The following DERPC variants were observed in gnomAD, a reference collection of about 807,000 sequenced individuals.
DERPC encodes decreased expression in renal and prostate cancer protein.
In DERPC, 1 loss-of-function variant was observed where a neutral mutation model predicts 7.2. The ratio of observed to expected loss-of-function variants is 0.14; its 90% CI spans 0.05 to 0.66. DERPC has a LOEUF of 0.66. DERPC is among the 30% of genes least tolerant of loss of function. The pLI is 0.84. For missense variants in DERPC, 502 were observed against 299.4 expected (o/e 1.68, Z -4.99); for synonymous variants, 185 against 117.6 (o/e 1.57, Z -3.71).
chr16:69,121,578 A>G (rs1961666396), intron 1 of DERPC, 85 bp from the exon 2 acceptor site: 4 of 767,300 alleles, frequency 5.2e-6, no homozygotes, highest in East Asian at 2.7e-5. Flanking sequence ...CCCGGGTTCA[A>G]TCGATTCTCC....
chr16:69,118,127 A>ACCCCCCCCCC lies in DERPC; in HGVS notation c.*726_*727insGGGGGGGGGG. ...CAGTGATTTCTTCCCTTCATCCCCC[A>ACCCCCCCCCC]CCCCCACCCTAATTCCCATATTCCC... is the stretch of plus-strand genomic sequence containing the variant. On this transcript the variant is annotated 3_prime_UTR_variant, in exon 3 of 3. Coordinates refer to ENST00000519520, the MANE Select transcript of DERPC (RefSeq NM_001002847.4). 7.2e-6 allele frequency: 1 copy of ACCCCCCCCCC among 138,046 alleles called. No homozygotes were observed. The highest frequency in any genetic ancestry group is 1.4e-5 in the Non-Finnish European group (1 of 69,834). The allele number at this position is 138,046 out of a possible 1,614,324, so 8.6% of individuals were successfully genotyped here. A position where few individuals can be genotyped will look rare whatever the true frequency, so the allele number is the denominator to read the frequency against.
rs1961315665 is a variant in DERPC at position 69,118,281 on chromosome 16, G to C, written c.*573C>G. The stretch of plus-strand genomic sequence containing the variant: ...CCAGGAGAAGGGAGCTGCAGGCCCA[G>C]TCAGTCAAGCAGAAACTGCATTCGG... On this transcript the variant is annotated 3_prime_UTR_variant, in exon 3 of 3. Coordinates refer to ENST00000519520, the MANE Select transcript of DERPC (RefSeq NM_001002847.4). The C allele has an allele frequency of 3.2e-6, 3 of 941,096 alleles. No homozygotes were observed. Among genetic ancestry groups the C allele is most frequent in the Non-Finnish European group, 3.5e-6 (2 of 573,328 alleles). 58.3% of individuals were successfully genotyped at this position (941,096 alleles called of 1,614,324 possible).
intron 2 of DERPC, chr16:69,121,159 C>G: frequency 3.7e-6 from 6 of 1,612,916 alleles, no homozygotes; most frequent in Non-Finnish European, 5.1e-6. Context: ...TGCCAGGCCT[C>G]CAGCCCTCGC....
chr16:69,124,970 T>TCTCGGCTCACCGCAAC (rs1567591874), intron 1 of DERPC, among the ~76,000 whole-genome samples: 1 of 152,080 alleles, frequency 6.6e-6, no homozygotes, highest in Non-Finnish European at 1.5e-5. Flanking sequence ...AATGGCGCGA[T>TCTCGGCTCACCGCAAC]CTCGGCTCAC....
chr16:69,118,405 G>C lies in DERPC; in HGVS notation c.*449C>G. ...AGGATGACCAGGTCCAAGCTGCCCA[G>C]GTCAGAGCTACGGAAGCATGGTCCG... On this transcript the variant is annotated 3_prime_UTR_variant, in exon 3 of 3. Coordinates refer to ENST00000519520, the MANE Select transcript of DERPC (RefSeq NM_001002847.4). 2 of 1,613,792 alleles carry C rather than the reference G, an allele frequency of 1.2e-6. No individual in the cohort carries two copies. Among genetic ancestry groups the C allele is most frequent in the Non-Finnish European group, 8.5e-7 (1 of 1,179,698 alleles).
rs1303859960 is a variant in DERPC, at chr16:69,118,209, G to C, written c.*645C>G. On this transcript the variant is annotated 3_prime_UTR_variant, in exon 3 of 3. Transcript: ENST00000519520. ...GATTGATTGGGAGTACCAGTGAAGAGGGAGTTGGATGAGTAGAGGGGCCTT... is the reference window on the plus strand; with the variant it reads ...GATTGATTGGGAGTACCAGTGAAGACGGAGTTGGATGAGTAGAGGGGCCTT... The C allele has an allele frequency of 1.8e-6, 1 of 570,804 alleles. No homozygotes were observed. The highest frequency in any genetic ancestry group is 3.2e-6 in the Non-Finnish European group (1 of 309,788). The allele number at this position is 570,804 out of a possible 1,614,324, so 35.4% of individuals were successfully genotyped here.
rs1392709892 is a variant in DERPC at position 69,118,822 on chromosome 16, A to C, written c.*32T>G. The C allele has an allele frequency of 4.3e-5, 29 of 682,234 alleles. No individual in the cohort carries two copies. The East Asian group carries it at 7.3e-4, about 17-fold the overall frequency. 42.3% of individuals were successfully genotyped at this position (682,234 alleles called of 1,614,324 possible). On this transcript the variant is annotated 3_prime_UTR_variant, in exon 3 of 3. Coordinates refer to ENST00000519520, the MANE Select transcript of DERPC (RefSeq NM_001002847.4). ...CCCTGCCAAGAACCACAGTGCCTAG[A>C]AACCAAGGTGGTCCTGGAGGGAAAA...
chr16:69,125,479 C>T (rs2152269970), intron 1 of DERPC, among the ~76,000 whole-genome samples: 1 of 152,274 alleles, frequency 6.6e-6, no homozygotes, highest in East Asian at 1.9e-4. Flanking sequence ...CTACACAATT[C>T]TGCCTTCCCA....
At chr16:69,127,373 T>C (rs1336611203) in intron 1 of DERPC, among the ~76,000 whole-genome samples, 1 of 151,996 alleles carries the variant, frequency 6.6e-6, no homozygotes, top group Non-Finnish European at 1.5e-5. Context: ...ATCACAAGCA[T>C]AACAATGGAA....
rs1259306125 is a variant in DERPC, at chr16:69,120,661, C to T, written c.-221-12G>A. On this transcript the variant is annotated splice_polypyrimidine_tract_variant and intron_variant, in intron 2 of 2. Transcript: ENST00000519520. The surrounding 1 kb of genome is among the most constrained non-coding windows in gnomAD (Gnocchi z 4.0). Reference sequence around the variant, plus strand: ...AGCACAGGGATTCCCTTTGGCAGAACAAGAACGAGATTCCTGAGGTTCCGG... The same window carrying T: ...AGCACAGGGATTCCCTTTGGCAGAATAAGAACGAGATTCCTGAGGTTCCGG... The T allele has an allele frequency of 1.9e-6, 3 of 1,600,852 alleles. No homozygotes were observed. The highest frequency in any genetic ancestry group is 2.6e-6 in the Non-Finnish European group (3 of 1,169,882).
At chr16:69,125,915 G>A (rs1384978474) in intron 1 of DERPC, among the ~76,000 whole-genome samples, 2 of 152,102 alleles carry the variant, frequency 1.3e-5, no homozygotes, top group African/African-American at 2.4e-5. Flanking sequence ...CATCTGCTGA[G>A]GTGCTTTAAA....
rs372913153 is a variant in DERPC at position 69,120,674 on chromosome 16, C to G, written c.-221-25G>C. 45 of 1,592,650 alleles carry G rather than the reference C, an allele frequency of 2.8e-5. No homozygotes were observed. The highest frequency in any genetic ancestry group is 3.8e-5 in the Non-Finnish European group (44 of 1,163,900). ...CCTTTGGCAGAACAAGAACGAGATT[C>G]CTGAGGTTCCGGGGCAAGGCCATAA... On this transcript the variant is annotated intron_variant, in intron 2 of 2. Transcript: ENST00000519520. This position sits in a 1 kb window ranked among gnomAD's most constrained non-coding sequence, Gnocchi z 4.0.
chr16:69,121,568 C>T (rs1961665131), intron 1 of DERPC, 75 bp from the exon 2 acceptor site: 2 of 882,418 alleles, frequency 2.3e-6, no homozygotes, highest in Non-Finnish European at 3.5e-6. Context: ...ACCTCCACCT[C>T]CCGGGTTCAA....
Position 69,118,176 on chromosome 16 carries a change from G to C in DERPC, c.*678C>G. On this transcript the variant is annotated 3_prime_UTR_variant, in exon 3 of 3. Coordinates refer to ENST00000519520, the MANE Select transcript of DERPC (RefSeq NM_001002847.4). ...CCATCCACATCAGTTTAAATTTTGA[G>C]GTTCTTTGATTGATTGGGAGTACCA... 1 of 375,016 alleles carries C rather than the reference G, an allele frequency of 2.7e-6. No individual in the cohort carries two copies. 23.2% of individuals were successfully genotyped at this position (375,016 alleles called of 1,614,324 possible). A position where few individuals can be genotyped will look rare whatever the true frequency, so the allele number is the denominator to read the frequency against.
In DERPC at chr16:69,120,632, G is replaced by A. The variant is rs760957595; in HGVS notation, c.-204C>T. 6.2e-6 allele frequency: 10 copies of A among 1,611,782 alleles called. No homozygotes were observed. Among genetic ancestry groups the A allele is most frequent in the South Asian group, 3.3e-5 (3 of 91,038 alleles). On this transcript the variant is annotated 5_prime_UTR_variant, in exon 3 of 3. Coordinates refer to ENST00000519520, the MANE Select transcript of DERPC (RefSeq NM_001002847.4). The surrounding 1 kb of genome is among the most constrained non-coding windows in gnomAD (Gnocchi z 4.0). ...TCCCATACAGGATATGATGCCCCAC[G>A]ATCAGCACAGGGATTCCCTTTGGCA... is the stretch of plus-strand genomic sequence containing the variant.
chr16:69,120,490 T>C lies in DERPC; in HGVS notation c.-62A>G. On this transcript the variant is annotated 5_prime_UTR_variant, in exon 3 of 3. Coordinates refer to ENST00000519520, the MANE Select transcript of DERPC (RefSeq NM_001002847.4). This position sits in a 1 kb window ranked among gnomAD's most constrained non-coding sequence, Gnocchi z 4.0. ...CGGGTTTTGAAAAGGATCTTGTCTT[T>C]GATGAGTGCTGTCACCAGGTACCGG... 1.2e-6 allele frequency: 2 copies of C among 1,614,136 alleles called. No individual in the cohort carries two copies. Among genetic ancestry groups the C allele is most frequent in the Non-Finnish European group, 1.7e-6 (2 of 1,180,018 alleles).
chr16:69,129,476 A>T (rs927416074), intron 1 of DERPC, among the ~76,000 whole-genome samples: 5 of 151,824 alleles, frequency 3.3e-5, no homozygotes, highest in African/African-American at 1.2e-4. Context: ...TCCAGGCAGA[A>T]CATTATTTTT....
chr16:69,122,997 G>A (rs1961794987), intron 1 of DERPC, among the ~76,000 whole-genome samples: 2 of 151,938 alleles, frequency 1.3e-5, no homozygotes, highest in Admixed American at 1.3e-4. Flanking sequence ...TTGACCTCAT[G>A]ATCCGCCCAC....
intron 2 of DERPC, 197 bp downstream of exon 2, chr16:69,121,237 ACC>A: frequency 6.9e-7 from 1 of 1,451,862 alleles, no homozygotes; most frequent in Non-Finnish European, 9.5e-7. Context: ...TCCTCACACC[ACC>A]ATTTGAGGCC....
Sources: gnomAD v4.1 joint callset for allele counts (sites outside exome capture counted in the v4.1 genomes callset) on GRCh38, gnomAD v4.1.1 for gene constraint, Gnocchi (gnomAD v3.1) non-coding constraint, MANE v1.5 for transcripts, NCBI Gene and HGNC (gene_info 2026-07-23, HGNC 2026-07-21) for gene names.